Variants in NCR1 observed in about 807,000 individuals in gnomAD.
NCR1 encodes the protein NK cell-activating receptor.
In NCR1, 30 loss-of-function variants were observed where a neutral mutation model predicts 32.5. The ratio of observed to expected loss-of-function variants is 0.92; its 90% CI spans 0.69 to 1.25. NCR1 has a LOEUF of 1.25. Among genes scored for constraint, NCR1 ranks in the 50% most tolerant of loss-of-function variants. The pLI, the probability that NCR1 is intolerant of heterozygous loss-of-function variation, is 0.00. For synonymous variants in NCR1, 169 were observed against 143.4 expected, an observed-to-expected ratio of 1.18 and a Z score of -1.28; for missense variants, 369 against 380.7, an observed-to-expected ratio of 0.97 and a Z score of 0.26.
In NCR1 at chr19:54,909,513, C is replaced by T. The variant is rs752863000; in HGVS notation, c.624C>T (p.Leu208=). The change falls in exon 4 of 7, where the codon CTC becomes CTT. Residue 208 remains leucine, a synonymous_variant. Coordinates refer to ENST00000291890, the MANE Select transcript of NCR1 (RefSeq NM_004829.7). Reference sequence around the variant, plus strand: ...CTTTCCCCAGTGAGCCAGTGAAGCTCCTGGTCACAGGTGAGGAAATGCTCA... The same window carrying T: ...CTTTCCCCAGTGAGCCAGTGAAGCTTCTGGTCACAGGTGAGGAAATGCTCA... ...AWSFPSEPVK[L]LVTGDIENTS... The T allele has an allele frequency of 6.9e-6, 11 of 1,604,462 alleles. No individual in the cohort carries two copies. Among genetic ancestry groups the T allele is most frequent in the African/African-American group, 1.3e-5 (1 of 74,880 alleles).
At chr19:54,916,317 C>CTTTTTTTTTTTTTTTTT (rs71181711), downstream of NCR1, among the ~76,000 whole-genome samples, 43 of 87,108 alleles carry the variant, frequency 4.9e-4, 8 homozygotes, top group African/African-American at 8.9e-4. Flanking sequence ...GAATATTGTG[C>CTTTTTTTTTTTTTTTTT]TTTTTTTTTT....
At chr19:54,928,429 G>T in the NCR1 span, among the ~76,000 whole-genome samples, 2 of 152,104 alleles carry the variant, frequency 1.3e-5, no homozygotes, top group African/African-American at 4.8e-5. Flanking sequence ...CAGCATATTT[G>T]CTGGGGCTCC....
At chr19:54,934,091 C>A in the NCR1 span, among the ~76,000 whole-genome samples, 1 of 152,124 alleles carries the variant, frequency 6.6e-6, no homozygotes, top group African/African-American at 2.4e-5. The surrounding 1 kb of genome is among the most constrained non-coding windows in gnomAD (Gnocchi z 6.7). Context: ...CTACAGGCGC[C>A]CACCACACCT....
chr19:54,924,052 C>T, the NCR1 span, among the ~76,000 whole-genome samples: 1 of 152,106 alleles, frequency 6.6e-6, no homozygotes, highest in Non-Finnish European at 1.5e-5. Flanking sequence ...TCTGCAACCT[C>T]CAGCTCCCAA....
At chr19:54,903,381 T>C (rs1311832131), upstream of NCR1, among the ~76,000 whole-genome samples, 1 of 141,596 alleles carries the variant, frequency 7.1e-6, no homozygotes, top group African/African-American at 2.6e-5. Context: ...TATACATGTA[T>C]GTATATACAT....
chr19:54,920,491 G>T (rs940416217), downstream of NCR1, among the ~76,000 whole-genome samples: 1 of 152,212 alleles, frequency 6.6e-6, no homozygotes. Flanking sequence ...CTGGTCAGGC[G>T]CCGTAATCAC....
the NCR1 span, among the ~76,000 whole-genome samples, chr19:54,922,984 A>G: frequency 1.3e-5 from 2 of 152,012 alleles, no homozygotes; most frequent in African/African-American, 4.8e-5. Context: ...AGAGAGAGAC[A>G]CATACACACA....
the NCR1 span, chr19:54,933,659 A>G: frequency 1.2e-6 from 2 of 1,614,200 alleles, no homozygotes; most frequent in Non-Finnish European, 8.5e-7. Flanking sequence ...GGCCAAGCAC[A>G]GGTGTGTCAG....
the NCR1 span, among the ~76,000 whole-genome samples, chr19:54,931,002 G>A: frequency 1.8e-4 from 28 of 151,898 alleles, no homozygotes; most frequent in Non-Finnish European, 3.1e-4. Flanking sequence ...CAGCCCGGGC[G>A]ACAGAGCGAG....
chr19:54,917,535 G>C (rs1353560291), downstream of NCR1, among the ~76,000 whole-genome samples: 1 of 151,940 alleles, frequency 6.6e-6, no homozygotes, highest in Non-Finnish European at 1.5e-5. Context: ...TAGCCAGGTT[G>C]GTCTTGAACT....
downstream of NCR1, among the ~76,000 whole-genome samples, chr19:54,914,968 C>T (rs966976928): frequency 1.3e-5 from 2 of 152,164 alleles, no homozygotes; most frequent in Non-Finnish European, 2.9e-5. Flanking sequence ...GTCTCAAACT[C>T]CTGAGTTCAG....
chr19:54,931,828 GAC>G, the NCR1 span, among the ~76,000 whole-genome samples: 1 of 130,430 alleles, frequency 7.7e-6, no homozygotes, highest in African/African-American at 3.2e-5. Context: ...CCAGCCTGGT[GAC>G]AGAGAGAGAC....
chr19:54,919,686 T>C (rs1455059839), downstream of NCR1, among the ~76,000 whole-genome samples: 1 of 148,972 alleles, frequency 6.7e-6, no homozygotes, highest in African/African-American at 2.5e-5. Flanking sequence ...GAGCAGAGTC[T>C]TCTCTAAACT....
At position 54,910,155 on chromosome 19, in the gene NCR1, G is replaced by A. The variant is rs587730487; in HGVS notation, c.682+90G>A. ...GGCATTCATTCAAAATATTCATCGAGGCCAGGCGTGGTGGCTCACGCCTGT... is the reference window on the plus strand; with the variant it reads ...GGCATTCATTCAAAATATTCATCGAAGCCAGGCGTGGTGGCTCACGCCTGT... On this transcript the variant is annotated intron_variant, in intron 5 of 6. Transcript: ENST00000291890. The A allele has an allele frequency of 8.1e-5, 107 of 1,319,792 alleles. No individual in the cohort carries two copies. In the African/African-American group the frequency reaches 1.3e-3, roughly 16 times the overall value. The allele number at this position is 1,319,792 out of a possible 1,614,324, so 81.8% of individuals were successfully genotyped here.
At chr19:54,935,449 AC>A in the NCR1 span, among the ~76,000 whole-genome samples, 1 of 152,104 alleles carries the variant, frequency 6.6e-6, no homozygotes, top group African/African-American at 2.4e-5. Flanking sequence ...TAATCCTAGC[AC>A]TTTGGGAGGC....
At chr19:54,907,277 T>C (rs1222703602) in intron 3 of NCR1, among the ~76,000 whole-genome samples, 4 of 151,346 alleles carry the variant, frequency 2.6e-5, no homozygotes, top group African/African-American at 7.3e-5. Flanking sequence ...AGCCTCAGCT[T>C]CCCAAGTAGC....
At chr19:54,921,730 C>T in the NCR1 span, among the ~76,000 whole-genome samples, 2 of 148,514 alleles carry the variant, frequency 1.3e-5, no homozygotes, top group East Asian at 2.0e-4. Context: ...CAAGATCGCA[C>T]CACTGCACTC....
chr19:54,937,324 C>G, the NCR1 span, among the ~76,000 whole-genome samples: 1 of 151,804 alleles, frequency 6.6e-6, no homozygotes, highest in Non-Finnish European at 1.5e-5. Flanking sequence ...TCCTATGACA[C>G]ACGGTTACCT....
At chr19:54,900,188 C>T in the NCR1 span, among the ~76,000 whole-genome samples, 1 of 152,172 alleles carries the variant, frequency 6.6e-6, no homozygotes, top group Non-Finnish European at 1.5e-5. Context: ...CCAAATTTCA[C>T]TCACGTCCGT....
Sources: gnomAD v4.1 joint callset for allele counts (sites outside exome capture counted in the v4.1 genomes callset) on GRCh38, gnomAD v4.1.1 for gene constraint, Gnocchi (gnomAD v3.1) non-coding constraint, MANE v1.5 for transcripts, NCBI Gene and HGNC (gene_info 2026-07-23, HGNC 2026-07-21) for gene names.